The following CDH12 variants were observed in gnomAD, a reference collection of about 807,000 sequenced individuals.
The protein encoded by CDH12 is cadherin 12.
CDH12 carries 41 observed loss-of-function variants against 74.1 expected under a neutral mutation model. The observed-to-expected ratio is 0.55, with a 90% confidence interval of 0.43 to 0.72. The LOEUF is 0.72. Ranked by LOEUF, CDH12 falls within the 30% of genes least tolerant of loss-of-function variation. CDH12 has a pLI of 0.00. For missense variants in CDH12, 945 were observed against 977.2 expected (o/e 0.97, Z 0.44); for synonymous variants, 399 against 355.0 (o/e 1.12, Z -1.39).
chr5:22,795,234 A>AATAGTCAT (rs1350540349), intron 1 of CDH12, among the ~76,000 whole-genome samples: 6 of 152,290 alleles, frequency 3.9e-5, no homozygotes, highest in African/African-American at 1.4e-4. Context: ...TTGAGTAAGA[A>AATAGTCAT]ATAGTCATTG....
intron 1 of CDH12, among the ~76,000 whole-genome samples, chr5:22,612,710 A>G (rs1737473195): frequency 6.6e-6 from 1 of 152,030 alleles, no homozygotes; most frequent in South Asian, 2.1e-4. Context: ...TGTGTTCTCC[A>G]CTACATCTTA....
chr5:21,996,105 GT>G (rs61516659), intron 5 of CDH12, among the ~76,000 whole-genome samples: 446 of 113,552 alleles, frequency 3.9e-3, no homozygotes, highest in Non-Finnish European at 6.0e-3. Context: ...TCACACACAC[GT>G]TTTTTTTTTT....
intron 1 of CDH12, among the ~76,000 whole-genome samples, chr5:22,639,496 G>A (rs1022137970): frequency 2.2e-5 from 3 of 137,758 alleles, no homozygotes; most frequent in African/African-American, 5.5e-5. Context: ...GCAATTGGCC[G>A]TCTTGACACT....
intron 3 of CDH12, among the ~76,000 whole-genome samples, chr5:22,317,518 G>A (rs1428696008): frequency 6.6e-6 from 1 of 151,934 alleles, no homozygotes; most frequent in Non-Finnish European, 1.5e-5. Flanking sequence ...TGAATACAGA[G>A]AAAGACAAAG....
intron 13 of CDH12, among the ~76,000 whole-genome samples, chr5:21,759,842 C>CA (rs1390221315): frequency 6.6e-6 from 1 of 152,076 alleles, no homozygotes; most frequent in Non-Finnish European, 1.5e-5. Flanking sequence ...CTCCCATCCT[C>CA]ACCCCTCAAG....
At chr5:22,478,627 G>A (rs755887741) in intron 2 of CDH12, among the ~76,000 whole-genome samples, 17 of 151,482 alleles carry the variant, frequency 1.1e-4, no homozygotes, top group African/African-American at 1.7e-4. Context: ...TTTTATGATG[G>A]TGCATTGACT....
At chr5:22,843,006 T>G (rs996769528) in intron 1 of CDH12, among the ~76,000 whole-genome samples, 3 of 152,130 alleles carry the variant, frequency 2.0e-5, no homozygotes, top group Non-Finnish European at 2.9e-5. Context: ...TTGGCTTTAC[T>G]TTTTCAAATT....
chr5:22,064,674 A>AT (rs1294573278), intron 5 of CDH12, among the ~76,000 whole-genome samples: 3 of 152,200 alleles, frequency 2.0e-5, no homozygotes, highest in African/African-American at 7.2e-5. Flanking sequence ...ACTAATGATG[A>AT]TAAATAATCA....
At chr5:22,616,268 T>C (rs943023692) in intron 1 of CDH12, among the ~76,000 whole-genome samples, 24 of 152,160 alleles carry the variant, frequency 1.6e-4, no homozygotes, top group Non-Finnish European at 2.1e-4. Flanking sequence ...CAATTGTTTC[T>C]TCTTTGAAGG....
chr5:22,274,132 C>A (rs1398910525), intron 3 of CDH12, among the ~76,000 whole-genome samples: 1 of 151,960 alleles, frequency 6.6e-6, no homozygotes, highest in Non-Finnish European at 1.5e-5. Context: ...TAAAATCAAT[C>A]AAACAATAAT....
chr5:22,369,313 T>G (rs186019439), intron 3 of CDH12, among the ~76,000 whole-genome samples: 2 of 152,166 alleles, frequency 1.3e-5, no homozygotes, highest in African/African-American at 4.8e-5. Context: ...TAAAATTTTT[T>G]AATATGTAAA....
intron 2 of CDH12, among the ~76,000 whole-genome samples, chr5:22,431,071 T>C (rs573703656): frequency 6.6e-6 from 1 of 152,318 alleles, no homozygotes; most frequent in Admixed American, 6.5e-5. Context: ...TATTTCTCCT[T>C]TATCCATTGA....
chr5:21,878,124 C>T (rs1261757684), intron 6 of CDH12, among the ~76,000 whole-genome samples: 1 of 152,080 alleles, frequency 6.6e-6, no homozygotes, highest in Non-Finnish European at 1.5e-5. Context: ...TTTAAATATT[C>T]CTAGCTAATA....
chr5:22,016,407 T>G (rs1199467588), intron 5 of CDH12, among the ~76,000 whole-genome samples: 3 of 152,098 alleles, frequency 2.0e-5, no homozygotes, highest in South Asian at 4.1e-4. Flanking sequence ...TTTTGTTTGT[T>G]TTTTTTGGAG....
intron 4 of CDH12, among the ~76,000 whole-genome samples, chr5:22,105,283 T>C (rs573542789): frequency 6.6e-5 from 10 of 151,474 alleles, no homozygotes; most frequent in South Asian, 6.3e-4. Context: ...TCAGTAGAGA[T>C]AGGGTTTCAC....
chr5:22,068,911 C>G (rs1362716363), intron 5 of CDH12, among the ~76,000 whole-genome samples: 2 of 152,162 alleles, frequency 1.3e-5, no homozygotes, highest in Non-Finnish European at 2.9e-5. Context: ...CTGCTGAAGA[C>G]CTAACATTTC....
intron 1 of CDH12, among the ~76,000 whole-genome samples, chr5:22,707,521 A>G (rs1743077093): frequency 6.6e-6 from 1 of 152,178 alleles, no homozygotes; most frequent in Non-Finnish European, 1.5e-5. Flanking sequence ...TTGAACTATC[A>G]TCAGTGTCAT....
intron 5 of CDH12, among the ~76,000 whole-genome samples, chr5:22,019,698 G>C (rs1249052997): frequency 6.6e-6 from 1 of 152,170 alleles, no homozygotes; most frequent in Non-Finnish European, 1.5e-5. Flanking sequence ...ATAAATTTCT[G>C]TTGTTCAAGC....
At chr5:22,816,799 T>C (rs942059543) in intron 1 of CDH12, among the ~76,000 whole-genome samples, 1 of 152,260 alleles carries the variant, frequency 6.6e-6, no homozygotes, top group East Asian at 1.9e-4. Flanking sequence ...TTTCTGTGTG[T>C]CTATCCACTG....
Sources: allele counts gnomAD v4.1 joint callset (sites outside exome capture counted in the v4.1 genomes callset), GRCh38; gene constraint gnomAD v4.1.1; transcripts MANE v1.5; gene names NCBI Gene and HGNC (gene_info 2026-07-23, HGNC 2026-07-21).